The following PHF20L1 variants were observed in gnomAD, a reference collection of about 807,000 sequenced individuals.
The protein encoded by PHF20L1 is PHD finger protein 20-like protein 1.
Under a neutral mutation model 125.5 loss-of-function variants are expected in PHF20L1, and 44 were observed. The observed-to-expected ratio is 0.35, with a 90% CI of 0.28 to 0.45. The LOEUF (loss-of-function observed/expected upper bound fraction) is 0.45. PHF20L1 is among the 20% of genes least tolerant of loss of function. The pLI is 1.00. For synonymous variants in PHF20L1, 380 were observed against 403.1 expected, an observed-to-expected ratio of 0.94 and a Z score of 0.69; for missense variants, 1,012 against 1,217.2, an observed-to-expected ratio of 0.83 and a Z score of 2.51.
At chr8:132,827,318 A>G (rs1414885289) in intron 14 of PHF20L1, among the ~76,000 whole-genome samples, 1 of 152,046 alleles carries the variant, frequency 6.6e-6, no homozygotes, top group African/African-American at 2.4e-5. Flanking sequence ...CAGAAATGAG[A>G]AGCTCAGGCT....
intron 18 of PHF20L1, 101 bp downstream of exon 18, chr8:132,839,683 A>C (rs1369371117): frequency 1.3e-6 from 1 of 757,238 alleles, no homozygotes; most frequent in East Asian, 2.6e-5. Context: ...AGTTTGGAGG[A>C]GAGAACAGGT....
At chr8:132,804,137 T>G in intron 7 of PHF20L1, 105 bp downstream of exon 7, 1 of 766,352 alleles carries the variant, frequency 1.3e-6, no homozygotes, top group Non-Finnish European at 2.1e-6. Context: ...ATTAAATTTG[T>G]AGGCTTTTGA....
chr8:132,830,744 A>T (rs991690956), intron 14 of PHF20L1, among the ~76,000 whole-genome samples: 18 of 152,124 alleles, frequency 1.2e-4, no homozygotes, highest in African/African-American at 4.3e-4. Flanking sequence ...TTAATCTAGC[A>T]TTTCTCACCA....
chr8:132,800,570 T>C (rs1032781731), intron 6 of PHF20L1, among the ~76,000 whole-genome samples: 2 of 151,738 alleles, frequency 1.3e-5, no homozygotes, highest in African/African-American at 4.8e-5. Context: ...TTTAGAAAGA[T>C]AATTTTTAAA....
In PHF20L1 at chr8:132,836,545, T is replaced by A. The variant is rs770883519; in HGVS notation, c.1915T>A (p.Ser639Thr). 1 of 1,598,632 alleles carries A rather than the reference T, an allele frequency of 6.3e-7. No individual in the cohort carries two copies. Among genetic ancestry groups the A allele is most frequent in the Non-Finnish European group, 8.6e-7 (1 of 1,167,000 alleles). The change falls in exon 16 of 21, where the codon TCA (serine) becomes ACA (threonine). Residue 639 changes from serine (S) to threonine (T), a missense_variant. Around this residue, in one of 7 missense-constraint regions of PHF20L1, gnomAD observed 320 missense variants for 293.8 expected, o/e 1.09. Coordinates refer to ENST00000395386, the MANE Select transcript of PHF20L1 (RefSeq NM_016018.5). ...ACTTTTTGTATATATTCTAGACTTA[T>A]CAGATGTAGACTTCCTAGATGATTC... ...LSVDLSGENL[S>T]DVDFLDDSST...
chr8:132,787,581 T>C (rs1831199511), intron 2 of PHF20L1, among the ~76,000 whole-genome samples: 1 of 152,160 alleles, frequency 6.6e-6, no homozygotes, highest in Non-Finnish European at 1.5e-5. Context: ...TATTTTGTAT[T>C]AACATTGCAT....
intron 6 of PHF20L1, among the ~76,000 whole-genome samples, chr8:132,803,028 C>CT (rs1299143501): frequency 1.3e-5 from 2 of 151,538 alleles, no homozygotes; most frequent in Non-Finnish European, 3.0e-5. Context: ...TTCCTTACAC[C>CT]TTTTTTTATA....
At chr8:132,794,031 A>G (rs1213448809) in intron 2 of PHF20L1, among the ~76,000 whole-genome samples, 2 of 152,134 alleles carry the variant, frequency 1.3e-5, no homozygotes, top group Admixed American at 6.5e-5. Context: ...AGTTTTTCCA[A>G]CCATATATTT....
At chr8:132,811,657 A>G (rs1234319083) in intron 9 of PHF20L1, 2 of 985,058 alleles carry the variant, frequency 2.0e-6, no homozygotes, top group African/African-American at 1.7e-5. Flanking sequence ...AAACCACCTA[A>G]TAGAGGAATT....
At chr8:132,833,693 A>AG (rs1285991093) in intron 15 of PHF20L1, among the ~76,000 whole-genome samples, 1 of 152,100 alleles carries the variant, frequency 6.6e-6, no homozygotes, top group Non-Finnish European at 1.5e-5. Context: ...GATGGAGAAT[A>AG]GGGGTTATAT....
Position 132,844,194 on chromosome 8 carries a change from T to C in PHF20L1, c.2787T>C (p.Asp929=), listed in dbSNP as rs1295350554. 9.9e-6 allele frequency: 16 copies of C among 1,612,758 alleles called. No homozygotes were observed. Among genetic ancestry groups the C allele is most frequent in the Non-Finnish European group, 1.4e-5 (16 of 1,179,212 alleles). The part of the protein sequence containing the change: ...AEGNTVFVYN[D]KKGTEDPGDS... ...GGAATACAGTATTTGTTTATAATGATAAAAAGGGCACCGAAGACCCAGGAG... is the reference window on the plus strand; with the variant it reads ...GGAATACAGTATTTGTTTATAATGACAAAAAGGGCACCGAAGACCCAGGAG... Residue 929 remains aspartate (D), a synonymous_variant, in exon 20 of 21, where the codon GAT becomes GAC. Transcript: ENST00000395386.
chr8:132,821,020 C>T (rs933513653), intron 12 of PHF20L1, among the ~76,000 whole-genome samples: 21 of 151,456 alleles, frequency 1.4e-4, no homozygotes, highest in African/African-American at 5.1e-4. Context: ...TGCAGCATGT[C>T]TTAGTTAGCA....
At chr8:132,801,304 C>T (rs565787935) in intron 6 of PHF20L1, among the ~76,000 whole-genome samples, 17 of 151,586 alleles carry the variant, frequency 1.1e-4, no homozygotes, top group Non-Finnish European at 2.1e-4. Flanking sequence ...TGCCTTGTTT[C>T]GTTGGATTCT....
chr8:132,782,566 G>GC (rs1362863481), intron 2 of PHF20L1, among the ~76,000 whole-genome samples: 1 of 151,282 alleles, frequency 6.6e-6, no homozygotes, highest in Non-Finnish European at 1.5e-5. Context: ...ATTGCAACAA[G>GC]CTGATGACAC....
intron 15 of PHF20L1, among the ~76,000 whole-genome samples, chr8:132,835,447 A>G (rs188385501): frequency 1.9e-4 from 29 of 152,190 alleles, no homozygotes; most frequent in African/African-American, 6.7e-4. Flanking sequence ...TTAGTGTTCC[A>G]TCATCATTTA....
chr8:132,815,420 C>G (rs1231255213), intron 10 of PHF20L1: 1 of 151,718 alleles, frequency 6.6e-6, no homozygotes, highest in African/African-American at 2.4e-5. Context: ...TTAACGCAGT[C>G]TTTTTCGAAA....
At chr8:132,801,842 C>G (rs1406902183) in intron 6 of PHF20L1, among the ~76,000 whole-genome samples, 1 of 151,650 alleles carries the variant, frequency 6.6e-6, no homozygotes, top group Non-Finnish European at 1.5e-5. Context: ...CCATGCAAGT[C>G]ATATGATTGA....
At chr8:132,824,140 T>G in intron 13 of PHF20L1, 80 bp downstream of exon 13, 1 of 825,428 alleles carries the variant, frequency 1.2e-6, no homozygotes, top group Non-Finnish European at 2.0e-6. Context: ...CCTTACTCTT[T>G]ACCAGTTAAT....
At chr8:132,833,222 T>C (rs1836967731) in intron 15 of PHF20L1, among the ~76,000 whole-genome samples, 1 of 152,084 alleles carries the variant, frequency 6.6e-6, no homozygotes, top group Non-Finnish European at 1.5e-5. Context: ...TCCTCCCTTT[T>C]TCTTTCTTCT....
Sources: gnomAD v4.1 joint callset for allele counts (sites outside exome capture counted in the v4.1 genomes callset) on GRCh38, gnomAD v4.1.1 for gene constraint, gnomAD v4.1.1 regional missense constraint, MANE v1.5 for transcripts, NCBI Gene and HGNC (gene_info 2026-07-23, HGNC 2026-07-21) for gene names.